Variants in PIK3AP1 observed in about 807,000 individuals in gnomAD.
PIK3AP1 encodes phosphoinositide-3-kinase adaptor protein 1, also known as phosphoinositide 3-kinase adapter protein 1.
In PIK3AP1, 21 loss-of-function variants were observed where a neutral mutation model predicts 88.1. The ratio of observed to expected loss-of-function variants is 0.24; its 90% CI spans 0.17 to 0.34. The LOEUF (loss-of-function observed/expected upper bound fraction) is 0.34. Among genes scored for constraint, PIK3AP1 ranks in the 10% least tolerant of loss-of-function variants. PIK3AP1 has a pLI of 1.00. For missense variants in PIK3AP1, 828 were observed against 1,035.7 expected (o/e 0.80, Z 2.75); for synonymous variants, 398 against 400.0 (o/e 1.00, Z 0.06).
intron 8 of PIK3AP1, among the ~76,000 whole-genome samples, chr10:96,629,591 C>T (rs962715936): frequency 2.0e-5 from 3 of 150,826 alleles, no homozygotes; most frequent in African/African-American, 7.3e-5. Flanking sequence ...AAAAAAGAAA[C>T]TCTGGGCCAG....
intron 8 of PIK3AP1, among the ~76,000 whole-genome samples, chr10:96,630,804 C>T (rs772078986): frequency 5.9e-5 from 9 of 151,970 alleles, no homozygotes; most frequent in African/African-American, 1.2e-4. Context: ...ATCACGCCAC[C>T]GCACTGCAGC....
intron 8 of PIK3AP1, chr10:96,632,835 A>G (rs999714742): frequency 1.3e-6 from 2 of 1,590,030 alleles, no homozygotes; most frequent in Non-Finnish European, 8.6e-7. Context: ...CTACACATCC[A>G]CCAGTCCAAC....
Position 96,656,874 on chromosome 10 carries a change from G to C in PIK3AP1, c.491C>G (p.Ser164Trp). 1.2e-6 allele frequency: 2 copies of C among 1,614,076 alleles called. No homozygotes were observed. Among genetic ancestry groups the C allele is most frequent in the African/African-American group, 2.7e-5 (2 of 75,012 alleles). ...CACCGTCGGCAGGTTCTGCTGCTTCGAGTAGGAAACAACCTTCTCGTCCTC... is the reference window on the plus strand; with the variant it reads ...CACCGTCGGCAGGTTCTGCTGCTTCCAGTAGGAAACAACCTTCTCGTCCTC... ...EPEDEKVVSY[S>W]KQQNLPTVTS... Residue 164 changes from serine (S) to tryptophan (W), a missense_variant, in exon 3 of 17, where the codon TCG (serine) becomes TGG (tryptophan). Around this residue, in one of 3 missense-constraint regions of PIK3AP1, gnomAD observed 610 missense variants for 760.1 expected, o/e 0.80. Coordinates refer to ENST00000339364, the MANE Select transcript of PIK3AP1 (RefSeq NM_152309.3).
chr10:96,705,933 A>G (rs1293957415), intron 2 of PIK3AP1, among the ~76,000 whole-genome samples: 1 of 114,220 alleles, frequency 8.8e-6, no homozygotes, highest in Non-Finnish European at 1.6e-5. Context: ...TTGATCTGTC[A>G]CTCAGGCTGG....
chr10:96,611,941 T>C (rs1849116890), intron 13 of PIK3AP1, among the ~76,000 whole-genome samples: 1 of 152,222 alleles, frequency 6.6e-6, no homozygotes, highest in Non-Finnish European at 1.5e-5. Context: ...AATCCTGATA[T>C]TCTTTGAATA....
At chr10:96,666,442 T>G (rs1843764028) in intron 2 of PIK3AP1, among the ~76,000 whole-genome samples, 2 of 150,522 alleles carry the variant, frequency 1.3e-5, no homozygotes, top group Admixed American at 6.6e-5. Context: ...AAAAAAAGAG[T>G]TAAATATGTC....
chr10:96,620,640 A>AC, intron 11 of PIK3AP1, 83 bp from the exon 12 acceptor site: 6 of 1,233,228 alleles, frequency 4.9e-6, no homozygotes, highest in Non-Finnish European at 7.0e-6. Context: ...GAGGCTGGTC[A>AC]CAGGCTCAAG....
intron 16 of PIK3AP1, among the ~76,000 whole-genome samples, chr10:96,601,051 A>T (rs1848880546): frequency 6.9e-6 from 1 of 145,490 alleles, no homozygotes; most frequent in Non-Finnish European, 1.5e-5. Flanking sequence ...TCATCTCCAA[A>T]TCTCTAGATA....
chr10:96,642,469 AAAGAAAGAAAG>A (rs1843404924), intron 8 of PIK3AP1, among the ~76,000 whole-genome samples: 1 of 150,728 alleles, frequency 6.6e-6, no homozygotes, highest in Non-Finnish European at 1.5e-5. Context: ...AAAAAAAGAG[AAAGAAAGAAAG>A]AAAGAAAGGT....
At chr10:96,617,182 C>A (rs1481497382) in intron 12 of PIK3AP1, among the ~76,000 whole-genome samples, 1 of 152,232 alleles carries the variant, frequency 6.6e-6, no homozygotes, top group Non-Finnish European at 1.5e-5. Flanking sequence ...TGTGTGCACA[C>A]TCTTGTGCCT....
intron 11 of PIK3AP1, 132 bp downstream of exon 11, chr10:96,623,339 AG>A (rs1843113101): frequency 1.2e-6 from 1 of 847,808 alleles, no homozygotes; most frequent in Admixed American, 2.4e-5. Flanking sequence ...CTGGGACTAC[AG>A]GCGTGAGCCA....
intron 13 of PIK3AP1, 36 bp downstream of exon 13, chr10:96,616,603 G>A: frequency 3.1e-6 from 5 of 1,603,670 alleles, no homozygotes; most frequent in Non-Finnish European, 4.3e-6. Flanking sequence ...TGACAGCAAT[G>A]TCCCACACAA....
chr10:96,628,541 G>A, intron 8 of PIK3AP1, 48 bp from the exon 9 acceptor site: 5 of 1,449,416 alleles, frequency 3.4e-6, no homozygotes, highest in Non-Finnish European at 4.9e-6. Flanking sequence ...TCCTCCACAG[G>A]CAAGGAGATT....
chr10:96,594,586 A>C lies in PIK3AP1; in HGVS notation c.*991T>G, dbSNP rs983210602. On this transcript the variant is annotated 3_prime_UTR_variant, in exon 17 of 17. Transcript: ENST00000339364. This position sits in a 1 kb window ranked among gnomAD's most constrained non-coding sequence, Gnocchi z 4.6. ...TTTAGGTTTGTTTTTCCTCCTCAGA[A>C]GCCTCAACGAAGAAAAAGTCAAAGG... 1 of 152,178 alleles carries C rather than the reference A, an allele frequency of 6.6e-6. No individual in the cohort carries two copies. Among genetic ancestry groups the C allele is most frequent in the Admixed American group, 6.6e-5 (1 of 15,266 alleles). The allele number at this position is 152,178 out of a possible 1,614,324, so 9.4% of individuals were successfully genotyped here. A position where few individuals can be genotyped will look rare whatever the true frequency, so the allele number is the denominator to read the frequency against.
intron 8 of PIK3AP1, among the ~76,000 whole-genome samples, chr10:96,629,930 A>AAAGAAGAAG (rs61662185): frequency 0.013 from 176 of 13,716 alleles, 2 homozygotes; most frequent in East Asian, 0.046. Context: ...AAAAAAAAAA[A>AAAGAAGAAG]AAGAAGAAGA....
chr10:96,627,702 C>T lies in PIK3AP1; in HGVS notation c.1471+696G>A, dbSNP rs751888913. The stretch of plus-strand genomic sequence containing the variant: ...TTGGACAGGGTTAAAGAATTACCCA[C>T]GCAATTTAACATCCTCCACCTTTGA... On this transcript the variant is annotated intron_variant, in intron 9 of 16. Coordinates refer to ENST00000339364, the MANE Select transcript of PIK3AP1 (RefSeq NM_152309.3). Among the ~76,000 whole-genome samples the T allele has an allele frequency of 1.4e-4, 22 of 152,280 alleles. No homozygotes were observed. In the South Asian group the frequency reaches 2.5e-3, roughly 17 times the overall value.
chr10:96,616,035 T>A (rs1195620099), intron 13 of PIK3AP1, among the ~76,000 whole-genome samples: 1 of 152,212 alleles, frequency 6.6e-6, no homozygotes, highest in African/African-American at 2.4e-5. Flanking sequence ...TGTGGGAAGA[T>A]GCATTGTGGG....
At chr10:96,628,871 TACAC>T (rs201361014) in intron 8 of PIK3AP1, among the ~76,000 whole-genome samples, 2 of 43,636 alleles carry the variant, frequency 4.6e-5, no homozygotes, top group African/African-American at 1.3e-4. Context: ...CACACATATA[TACAC>T]ATATATATAT....
At chr10:96,650,362 G>C (rs1390411641) in intron 6 of PIK3AP1, among the ~76,000 whole-genome samples, 1 of 152,194 alleles carries the variant, frequency 6.6e-6, no homozygotes, top group Non-Finnish European at 1.5e-5. Context: ...GGTGTCCACA[G>C]AAACACTACA....
Sources: allele counts gnomAD v4.1 joint callset (sites outside exome capture counted in the v4.1 genomes callset), GRCh38; gene constraint gnomAD v4.1.1; regional missense constraint gnomAD v4.1.1; non-coding constraint Gnocchi (gnomAD v3.1); transcripts MANE v1.5; gene names NCBI Gene and HGNC (gene_info 2026-07-23, HGNC 2026-07-21).